The following SEC24D variants were observed in gnomAD, a reference collection of about 807,000 sequenced individuals.
The protein encoded by SEC24D is protein transport protein Sec24D.
SEC24D carries 69 observed loss-of-function variants against 116.9 expected under a neutral mutation model. The observed-to-expected ratio is 0.59, with a 90% CI of 0.49 to 0.72. SEC24D has a LOEUF of 0.72. Ranked by LOEUF, SEC24D falls within the 30% of genes least tolerant of loss-of-function variation. The pLI is 0.00. For synonymous variants in SEC24D, 405 were observed against 442.8 expected (o/e 0.91, Z 1.07); for missense variants, 1,131 against 1,264.1 (o/e 0.89, Z 1.60).
intron 8 of SEC24D, among the ~76,000 whole-genome samples, chr4:118,780,761 G>T (rs538963079): frequency 3.4e-5 from 5 of 149,170 alleles, no homozygotes; most frequent in Non-Finnish European, 7.4e-5. Context: ...ATCAATCTGG[G>T]TGCTCCTGCA....
chr4:118,816,239 T>G (rs1730143061), intron 4 of SEC24D, among the ~76,000 whole-genome samples: 2 of 152,084 alleles, frequency 1.3e-5, no homozygotes, highest in South Asian at 4.1e-4. Context: ...TGGAAAATTT[T>G]TAAAAGGTAA....
intron 22 of SEC24D, among the ~76,000 whole-genome samples, chr4:118,723,969 C>G (rs553869496): frequency 1.2e-4 from 18 of 152,278 alleles, no homozygotes; most frequent in African/African-American, 3.4e-4. Context: ...GTGTTCCATA[C>G]TGGAATACAT....
At chr4:118,834,265 G>A (rs879173985) in intron 1 of SEC24D, among the ~76,000 whole-genome samples, 1 of 152,208 alleles carries the variant, frequency 6.6e-6, no homozygotes, top group South Asian at 2.1e-4. Context: ...CGTTGATAAT[G>A]GGCTTATTTT....
At chr4:118,734,713 A>C (rs1426496821) in intron 19 of SEC24D, among the ~76,000 whole-genome samples, 2 of 152,210 alleles carry the variant, frequency 1.3e-5, no homozygotes. Context: ...GAATGATTCT[A>C]CTTTGCAGTT....
At chr4:118,746,115 G>C (rs1726512424) in intron 13 of SEC24D, among the ~76,000 whole-genome samples, 1 of 151,812 alleles carries the variant, frequency 6.6e-6, no homozygotes, top group Non-Finnish European at 1.5e-5. Flanking sequence ...GTTTGAGGCT[G>C]CAGTGAGCTA....
Position 118,797,743 on chromosome 4 carries a change from C to G in SEC24D, c.981G>C (p.Lys327Asn). Residue 327 changes from lysine (K) to asparagine (N), a missense_variant, in exon 8 of 23, where the codon AAG becomes AAC. Coordinates refer to ENST00000280551, the MANE Select transcript of SEC24D (RefSeq NM_014822.4). ...YCFPCTSDMA[K>N]QAQIPLAAVI... ...CAGCAGCTAATGGAATCTGAGCTTG[C>G]TTAGCCATATCTGACGTGCATGGAA... 2 of 1,609,724 alleles carry G rather than the reference C, an allele frequency of 1.2e-6. No homozygotes were observed. Among genetic ancestry groups the G allele is most frequent in the Non-Finnish European group, 1.7e-6 (2 of 1,177,686 alleles).
rs145513312 is a variant in SEC24D, at chr4:118,748,945, A to G, written c.1707+3051T>C. Among the ~76,000 whole-genome samples the G allele has an allele frequency of 3.3e-3, 503 of 152,064 alleles. 1 individual carries two copies. Among genetic ancestry groups the G allele is most frequent in the African/African-American group, 0.011 (472 of 41,474 alleles). On this transcript the variant is annotated intron_variant, in intron 13 of 22. Transcript: ENST00000280551. ...CTTAGGTACGTATTATGGATAATTT[A>G]CAGATAAATTCCCCCCAATTCATCA...
intron 3 of SEC24D, among the ~76,000 whole-genome samples, chr4:118,818,832 GAA>G (rs1334704697): frequency 1.3e-5 from 2 of 151,524 alleles, no homozygotes; most frequent in Non-Finnish European, 2.9e-5. Context: ...TCCTATAGCA[GAA>G]AATTGGCTAG....
chr4:118,796,374 T>C (rs1432657858), intron 8 of SEC24D, among the ~76,000 whole-genome samples: 1 of 152,164 alleles, frequency 6.6e-6, no homozygotes, highest in Non-Finnish European at 1.5e-5. Context: ...AGAACCATCA[T>C]GGAAGAGACT....
At chr4:118,754,103 C>A (rs1726964628) in intron 11 of SEC24D, 1 of 152,162 alleles carries the variant, frequency 6.6e-6, no homozygotes, top group Non-Finnish European at 1.5e-5. Context: ...TTCTTCTCTA[C>A]TTCCTTCACT....
intron 10 of SEC24D, among the ~76,000 whole-genome samples, chr4:118,760,907 C>T (rs537754937): frequency 1.3e-5 from 2 of 151,392 alleles, no homozygotes; most frequent in South Asian, 2.1e-4. Context: ...TTAGTAGAGA[C>T]GGGGTTTCAC....
At chr4:118,782,381 C>G (rs1728454622) in intron 8 of SEC24D, among the ~76,000 whole-genome samples, 1 of 152,194 alleles carries the variant, frequency 6.6e-6, no homozygotes. Flanking sequence ...AGGTCCACTC[C>G]AGACCCTGTT....
intron 8 of SEC24D, among the ~76,000 whole-genome samples, chr4:118,784,597 G>A (rs1160743403): frequency 1.3e-5 from 2 of 152,054 alleles, no homozygotes; most frequent in South Asian, 2.1e-4. Context: ...AATAATTATG[G>A]CTCTTCTATT....
chr4:118,796,395 T>A (rs1376202567), intron 8 of SEC24D, among the ~76,000 whole-genome samples: 1 of 152,158 alleles, frequency 6.6e-6, no homozygotes, highest in Non-Finnish European at 1.5e-5. Flanking sequence ...ATGGTTAAAA[T>A]ATGTAAAGGA....
chr4:118,733,548 G>A (rs1421396365), intron 19 of SEC24D, among the ~76,000 whole-genome samples: 1 of 152,046 alleles, frequency 6.6e-6, no homozygotes, highest in Non-Finnish European at 1.5e-5. Context: ...AAAGTGTCAA[G>A]GATATAAAAA....
At chr4:118,830,568 C>T (rs1730803506) in intron 2 of SEC24D, among the ~76,000 whole-genome samples, 1 of 152,028 alleles carries the variant, frequency 6.6e-6, no homozygotes, top group African/African-American at 2.4e-5. Flanking sequence ...AACCATTCCA[C>T]AGTGTATACA....
At chr4:118,818,765 A>C (rs970108932) in intron 3 of SEC24D, among the ~76,000 whole-genome samples, 1 of 152,074 alleles carries the variant, frequency 6.6e-6, no homozygotes, top group African/African-American at 2.4e-5. Context: ...GTTGCAAGAA[A>C]AAAAAAAAAG....
At chr4:118,733,042 T>C (rs1345632693) in intron 19 of SEC24D, 130 bp from the exon 20 acceptor site, 3 of 740,470 alleles carry the variant, frequency 4.1e-6, no homozygotes, top group Non-Finnish European at 6.6e-6. Context: ...TGGTAACCCA[T>C]GTAAAACACC....
intron 9 of SEC24D, chr4:118,766,649 A>G (rs894894199): frequency 6.6e-6 from 1 of 152,180 alleles, no homozygotes; most frequent in African/African-American, 2.4e-5. Context: ...CCAAAGAGTC[A>G]CAGCAAACTG....
Sources: gnomAD v4.1 joint callset for allele counts (sites outside exome capture counted in the v4.1 genomes callset) on GRCh38, gnomAD v4.1.1 for gene constraint, MANE v1.5 for transcripts, NCBI Gene and HGNC (gene_info 2026-07-23, HGNC 2026-07-21) for gene names.